Variants in DNAH11 observed in about 807,000 individuals in gnomAD.
DNAH11 encodes the protein dynein axonemal heavy chain 11, also known as axonemal beta dynein heavy chain 11.
A neutral mutation model predicts 526.0 loss-of-function variants in DNAH11; 442 were observed. The observed-to-expected ratio is 0.84, with a 90% CI of 0.78 to 0.91. DNAH11 has a LOEUF of 0.91. Ranked by LOEUF, DNAH11 falls within the 40% of genes least tolerant of loss-of-function variation. DNAH11 has a pLI of 0.00. For missense variants in DNAH11, 6,989 were observed against 5,448.7 expected, an observed-to-expected ratio of 1.28 and a Z score of -8.90; for synonymous variants, 2,461 against 1,935.9, an observed-to-expected ratio of 1.27 and a Z score of -7.12.
intron 41 of DNAH11, among the ~76,000 whole-genome samples, chr7:21,711,371 C>T (rs1385480861): frequency 2.0e-5 from 3 of 152,136 alleles, no homozygotes; most frequent in African/African-American, 4.8e-5. Context: ...TTTCTTTGGA[C>T]AATTGATAAT....
chr7:21,867,794 C>A, intron 71 of DNAH11, 65 bp from the exon 72 acceptor site: 2 of 1,487,284 alleles, frequency 1.3e-6, no homozygotes, highest in Non-Finnish European at 1.8e-6. Context: ...TTAAGCTTAT[C>A]CAAATGGTGA....
chr7:21,892,734 T>C, intron 77 of DNAH11, 67 bp downstream of exon 77: 1 of 1,472,108 alleles, frequency 6.8e-7, no homozygotes, highest in Admixed American at 2.3e-5. Context: ...AGTCTACTAA[T>C]CTTAATTGTG....
At position 21,786,698 on chromosome 7, in the gene DNAH11, CCTT is replaced by C. The variant is rs759608996; in HGVS notation, c.9675_9677del (p.Leu3226del). ...CCAATGTTACTGCAGCCGTGATGGTCCTTCTGGCTCCTCGGGGAAGAGTGCCCA... is the reference window on the plus strand; with the variant it reads ...CCAATGTTACTGCAGCCGTGATGGTCCTGGCTCCTCGGGGAAGAGTGCCCA... On this transcript the variant is annotated inframe_deletion, in exon 59 of 82. Coordinates refer to ENST00000409508, the MANE Select transcript of DNAH11 (RefSeq NM_001277115.2). 1 of 1,613,888 alleles carries C rather than the reference CCTT, an allele frequency of 6.2e-7. No individual in the cohort carries two copies.
At chr7:21,619,322 G>T (rs961659789) in intron 24 of DNAH11, 100 bp downstream of exon 24, 13 of 1,381,238 alleles carry the variant, frequency 9.4e-6, no homozygotes, top group Non-Finnish European at 1.2e-5. Flanking sequence ...TGGGAGCCTG[G>T]AGAGATGAGT....
At chr7:21,839,674 T>C (rs529173251) in intron 65 of DNAH11, among the ~76,000 whole-genome samples, 72 of 151,738 alleles carry the variant, frequency 4.7e-4, no homozygotes, top group Non-Finnish European at 7.5e-4. Context: ...TGGAAAACAA[T>C]TAAATAGTAG....
rs1244441815 is a variant in DNAH11, at chr7:21,545,158, C to G, written c.495+9C>G. The G allele has an allele frequency of 1.3e-6, 2 of 1,596,338 alleles. No individual in the cohort carries two copies. The highest frequency in any genetic ancestry group is 3.5e-5 in the Admixed American group (2 of 57,876). On this transcript the variant is annotated intron_variant, in intron 2 of 81. Transcript: ENST00000409508. ...CTGCTTTCCTTGATGAGGTACTGGT[C>G]TGTCTTTAATATTTAAAGCTTTCAC...
chr7:21,600,087 A>C lies in DNAH11; in HGVS notation c.2968A>C (p.Ile990Leu), dbSNP rs1236592830. The C allele has an allele frequency of 2.5e-6, 4 of 1,569,020 alleles. No homozygotes were observed. Among genetic ancestry groups the C allele is most frequent in the Non-Finnish European group, 3.5e-6 (4 of 1,153,980 alleles). ...TAGAATGTCTGCCCAGATGAACCGA[A>C]TAGCAACACACCTGGAAATTAAAAA... ...SFRMSAQMNR[I>L]ATHLEIKNYQ... The change falls in exon 15 of 82, where the codon ATA becomes CTA. Residue 990 changes from isoleucine to leucine, a missense_variant. By Grantham distance (5) the Ile-to-Leu change is conservative. Transcript: ENST00000409508.
intron 47 of DNAH11, 95 bp from the exon 48 acceptor site, chr7:21,739,476 A>C: frequency 1.2e-6 from 1 of 827,162 alleles, no homozygotes; most frequent in South Asian, 1.7e-5. Flanking sequence ...GAAGATAAGG[A>C]GGTAATCTGC....
intron 24 of DNAH11, 137 bp downstream of exon 24, chr7:21,619,359 G>A (rs374369951): frequency 1.1e-6 from 1 of 948,210 alleles, no homozygotes; most frequent in Admixed American, 2.9e-5. Flanking sequence ...CTGTTCATTA[G>A]GTGTGGGATG....
intron 36 of DNAH11, among the ~76,000 whole-genome samples, chr7:21,699,972 GA>G (rs1207235420): frequency 6.6e-6 from 1 of 152,130 alleles, no homozygotes; most frequent in Non-Finnish European, 1.5e-5. Flanking sequence ...AATGGAGAAT[GA>G]AAAGATTATC....
intron 9 of DNAH11, among the ~76,000 whole-genome samples, chr7:21,586,975 A>G (rs951689463): frequency 1.3e-5 from 2 of 152,246 alleles, no homozygotes; most frequent in Admixed American, 1.3e-4. Flanking sequence ...TGGGAAAATC[A>G]TTCCCTCCTT....
At chr7:21,604,249 C>T (rs6461587) in intron 18 of DNAH11, among the ~76,000 whole-genome samples, 31,753 of 152,018 alleles carry the variant, frequency 0.21, 4,099 homozygotes, top group African/African-American at 0.37. Flanking sequence ...GATCTTTGTC[C>T]TGTTGGAGCA....
chr7:21,719,361 T>A (rs1016325614), intron 43 of DNAH11, among the ~76,000 whole-genome samples: 3 of 152,250 alleles, frequency 2.0e-5, no homozygotes, highest in African/African-American at 7.2e-5. Flanking sequence ...TTATTAACTC[T>A]TTCAGATTAC....
At chr7:21,787,052 A>C (rs1230984245) in intron 59 of DNAH11, among the ~76,000 whole-genome samples, 1 of 152,198 alleles carries the variant, frequency 6.6e-6, no homozygotes, top group African/African-American at 2.4e-5. Context: ...AGAAAATGAC[A>C]TGGATTTCTT....
Position 21,655,545 on chromosome 7 carries a change from A to T in DNAH11, c.4945-287A>T, listed in dbSNP as rs561399731. 8.5e-5 allele frequency among the ~76,000 whole-genome samples: 13 copies of T among 152,306 alleles called. No individual in the cohort carries two copies. The South Asian group carries it at 2.7e-3, about 32-fold the overall frequency. ...GCCTGTCTACAGGAATATGGTACAGATAGAGAAGTCAGTAAGCATCCAGTC... is the reference window on the plus strand; with the variant it reads ...GCCTGTCTACAGGAATATGGTACAGTTAGAGAAGTCAGTAAGCATCCAGTC... On this transcript the variant is annotated intron_variant, in intron 28 of 81. Transcript: ENST00000409508.
intron 45 of DNAH11, among the ~76,000 whole-genome samples, chr7:21,727,149 G>T (rs1418375562): frequency 6.6e-6 from 1 of 151,620 alleles, no homozygotes; most frequent in African/African-American, 2.4e-5. Flanking sequence ...TAGCCAGGAT[G>T]ATCTCGATCT....
intron 25 of DNAH11, among the ~76,000 whole-genome samples, chr7:21,623,731 T>G (rs1011258927): frequency 6.7e-6 from 1 of 149,796 alleles, no homozygotes; most frequent in African/African-American, 2.5e-5. Context: ...AACCAAGCAC[T>G]GCATGTTCTC....
At chr7:21,699,108 A>G (rs944114149) in intron 36 of DNAH11, among the ~76,000 whole-genome samples, 2 of 152,156 alleles carry the variant, frequency 1.3e-5, no homozygotes, top group African/African-American at 4.8e-5. Context: ...TTATTTTCTA[A>G]TAAGATAGGG....
chr7:21,545,031 T>G lies in DNAH11; in HGVS notation c.377T>G (p.Leu126Arg), dbSNP rs568461642. ...QEIPRDANHK[L>R]VFISKKITES... is the part of the protein sequence containing the mutation. ...ATTCCAAGAGATGCAAACCATAAAC[T>G]TGTTTTTATTTCCAAGAAGATTACT... The change falls in exon 2 of 82, where the codon CTT becomes CGT. Residue 126 changes from leucine (L) to arginine (R), a missense_variant. Coordinates refer to ENST00000409508, the MANE Select transcript of DNAH11 (RefSeq NM_001277115.2). The G allele has an allele frequency of 6.3e-7, 1 of 1,594,318 alleles. No homozygotes were observed. The highest frequency in any genetic ancestry group is 2.2e-5 in the East Asian group (1 of 44,656).
Sources: allele counts gnomAD v4.1 joint callset (sites outside exome capture counted in the v4.1 genomes callset), GRCh38; gene constraint gnomAD v4.1.1; transcripts MANE v1.5; gene names NCBI Gene and HGNC (gene_info 2026-07-23, HGNC 2026-07-21).